TSSK1B: variants seen among roughly 807,000 people sequenced by gnomAD.
TSSK1B encodes the protein testis-specific serine/threonine-protein kinase 1.
In TSSK1B, 2 loss-of-function variants were observed where a neutral mutation model predicts 4.0. The observed-to-expected ratio is 0.50, with a 90% CI of 0.20 to 1.57. TSSK1B has a LOEUF of 1.57. Ranked by LOEUF, TSSK1B falls within the 40% of genes most tolerant of loss-of-function variation. The pLI is 0.22. For synonymous variants in TSSK1B, 198 were observed against 200.7 expected, an observed-to-expected ratio of 0.99 and a Z score of 0.11; for missense variants, 488 against 495.1, an observed-to-expected ratio of 0.99 and a Z score of 0.14.
Position 113,433,773 on chromosome 5 carries a change from C to T in TSSK1B, c.1067G>A (p.Gly356Glu), listed in dbSNP as rs1770745901. The stretch of plus-strand genomic sequence containing the variant: ...CGTCTCTGGAGGCTGTTGGGGGGGC[C>T]CTTCCTCTGTCTCCATAGTCGACGG... The part of the protein sequence containing the change: ...SKPSTMETEE[G>E]PPQQPPETRA... The change falls in exon 1 of 1, where the codon GGG becomes GAG. Residue 356 changes from glycine (G) to glutamate (E), a missense_variant. Physicochemically the swap from Gly to Glu is moderately conservative, Grantham distance 98. Coordinates refer to ENST00000390666, the MANE Select transcript of TSSK1B (RefSeq NM_032028.4). 1 of 1,613,868 alleles carries T rather than the reference C, an allele frequency of 6.2e-7. No individual in the cohort carries two copies.
Position 113,434,458 on chromosome 5 carries a change from G to C in TSSK1B, c.382C>G (p.His128Asp), listed in dbSNP as rs1263228854. The C allele has an allele frequency of 6.2e-7, 1 of 1,613,698 alleles. No individual in the cohort carries two copies. The highest frequency in any genetic ancestry group is 1.7e-5 in the Admixed American group (1 of 59,984). Residue 128 changes from histidine (H) to aspartate (D), a missense_variant, in exon 1 of 1, where the codon CAC becomes GAC. By Grantham distance (81) the His-to-Asp change is moderately conservative. Coordinates refer to ENST00000390666, the MANE Select transcript of TSSK1B (RefSeq NM_032028.4). The surrounding 1 kb of genome is among the most constrained non-coding windows in gnomAD (Gnocchi z 4.2). ...TCCCGGTGGACGACGTCCAGGTCGTGGCAGTACTTGATGGCCAAGGAAAGC... is the reference window on the plus strand; with the variant it reads ...TCCCGGTGGACGACGTCCAGGTCGTCGCAGTACTTGATGGCCAAGGAAAGC... ...HQLSLAIKYC[H>D]DLDVVHRDLK...
At position 113,433,981 on chromosome 5, in the gene TSSK1B, C is replaced by G. The variant is rs376961614; in HGVS notation, c.859G>C (p.Glu287Gln). 1.1e-5 allele frequency: 17 copies of G among 1,613,932 alleles called. No individual in the cohort carries two copies. Among genetic ancestry groups the G allele is most frequent in the Non-Finnish European group, 1.4e-5 (16 of 1,179,902 alleles). The change falls in exon 1 of 1, where the codon GAG becomes CAG. Residue 287 changes from glutamate to glutamine, a missense_variant. Coordinates refer to ENST00000390666, the MANE Select transcript of TSSK1B (RefSeq NM_032028.4). Reference sequence around the variant, plus strand: ...TCAGTTCCCCGGGAACTCTCCCCCTCCTTGTTGATGGCCACAGAGGGAGAT... The same window carrying G: ...TCAGTTCCCCGGGAACTCTCCCCCTGCTTGTTGATGGCCACAGAGGGAGAT... ...RGSPSVAINK[E>Q]GESSRGTEPL...
chr5:113,434,192 G>T lies in TSSK1B; in HGVS notation c.648C>A (p.Tyr216Ter). 6.2e-7 allele frequency: 1 copy of T among 1,614,152 alleles called. No individual in the cohort carries two copies. The change falls in exon 1 of 1, where the codon TAC becomes TAA. Residue 216 changes from tyrosine to a stop codon, truncating the protein, a stop_gained. Coordinates refer to ENST00000390666, the MANE Select transcript of TSSK1B (RefSeq NM_032028.4). LOFTEE classifies it low-confidence loss of function (END_TRUNC). The surrounding 1 kb of genome is among the most constrained non-coding windows in gnomAD (Gnocchi z 4.2). ...LYIMVCGSMP[Y>*]DDSNIKKMLR... ...GCATCTTCTTGATGTTGGAGTCGTC[G>T]TAGGGCATGGAGCCGCAGACCATGA...
chr5:113,433,653 C>A lies in TSSK1B; in HGVS notation c.*83G>T, dbSNP rs1244843043. The A allele has an allele frequency of 6.8e-7, 1 of 1,481,444 alleles. No individual in the cohort carries two copies. 91.8% of individuals were successfully genotyped at this position (1,481,444 alleles called of 1,614,324 possible). On this transcript the variant is annotated 3_prime_UTR_variant, in exon 1 of 1. Transcript: ENST00000390666. ...ATAGAGGCTCATCTGGGACTGCCTT[C>A]CTTCTCTGGCTCCACCCTTGACTTC... is the stretch of plus-strand genomic sequence containing the variant.
In TSSK1B at chr5:113,434,668, G is replaced by A. The variant is rs199613682; in HGVS notation, c.172C>T (p.Pro58Ser). 2.7e-5 allele frequency: 43 copies of A among 1,614,010 alleles called. 1 individual carries two copies. In the African/African-American group the frequency reaches 4.9e-4, roughly 19 times the overall value. ...ATGGCCAGAATCTCAATTTCCCGGG[G>A]AAGGAATTTCTCCAAGAAGTCTGCG... ...APADFLEKFL[P>S]REIEILAMLN... The change falls in exon 1 of 1, where the codon CCC (proline) becomes TCC (serine). Residue 58 changes from proline to serine, a missense_variant. By Grantham distance (74) the Pro-to-Ser change is moderately conservative. Coordinates refer to ENST00000390666, the MANE Select transcript of TSSK1B (RefSeq NM_032028.4). This position sits in a 1 kb window ranked among gnomAD's most constrained non-coding sequence, Gnocchi z 4.2.
rs1023521925 is a variant in TSSK1B, at chr5:113,434,980, A to T, written c.-141T>A. On this transcript the variant is annotated 5_prime_UTR_variant, in exon 1 of 1. Transcript: ENST00000390666. This position sits in a 1 kb window ranked among gnomAD's most constrained non-coding sequence, Gnocchi z 4.2. ...CTGTTCCTGCCTCCTAGAGGCCAAG[A>T]CTCTGGAGTGGAACATTTGGCACTG... 3 of 1,014,544 alleles carry T rather than the reference A, an allele frequency of 3.0e-6. No individual in the cohort carries two copies. The highest frequency in any genetic ancestry group is 4.3e-6 in the Non-Finnish European group (3 of 703,448). The allele number at this position is 1,014,544 out of a possible 1,614,324, so 62.8% of individuals were successfully genotyped here.
chr5:113,433,901 C>G lies in TSSK1B; in HGVS notation c.939G>C (p.Glu313Asp). The G allele has an allele frequency of 6.2e-7, 1 of 1,614,010 alleles. No individual in the cohort carries two copies. The highest frequency in any genetic ancestry group is 2.2e-5 in the East Asian group (1 of 44,880). The change falls in exon 1 of 1, where the codon GAG (glutamate) becomes GAC (aspartate). Residue 313 changes from glutamate (E) to aspartate (D), a missense_variant. Physicochemically the swap from Glu to Asp is conservative, Grantham distance 45. Coordinates refer to ENST00000390666, the MANE Select transcript of TSSK1B (RefSeq NM_032028.4). Reference protein sequence around the residue: ...GSDKKSATKLEPEGEAQPQAQ... With the variant: ...GSDKKSATKLDPEGEAQPQAQ... ...CCTGGGGCTGTGCCTCTCCCTCAGG[C>G]TCCAGCTTGGTGGCAGACTTCTTGT...
rs1225996392 is a variant in TSSK1B at position 113,433,949 on chromosome 5, C to A, written c.891G>T (p.Leu297Phe). 3 of 1,613,876 alleles carry A rather than the reference C, an allele frequency of 1.9e-6. No individual in the cohort carries two copies. Among genetic ancestry groups the A allele is most frequent in the Non-Finnish European group, 2.5e-6 (3 of 1,179,894 alleles). The change falls in exon 1 of 1, where the codon TTG becomes TTT. Residue 297 changes from leucine (L) to phenylalanine (F), a missense_variant. Transcript: ENST00000390666. ...EGESSRGTEP[L>F]WTPEPGSDKK... ...TGTCAGAGCCAGGTTCGGGGGTCCA[C>A]AAGGGTTCAGTTCCCCGGGAACTCT...
rs1770726383 is a variant in TSSK1B at position 113,433,368 on chromosome 5, G to A, written c.*368C>T. 1 of 465,054 alleles carries A rather than the reference G, an allele frequency of 2.2e-6. No individual in the cohort carries two copies. The highest frequency in any genetic ancestry group is 6.0e-5 in the East Asian group (1 of 16,772). 28.8% of individuals were successfully genotyped at this position (465,054 alleles called of 1,614,324 possible). ...ACTGCCCCGGGGACGATGAAAGGAG[G>A]ATAAATGGTGCCCAAGGTGGACAGC... On this transcript the variant is annotated 3_prime_UTR_variant, in exon 1 of 1. Coordinates refer to ENST00000390666, the MANE Select transcript of TSSK1B (RefSeq NM_032028.4).
rs764482166 is a variant in TSSK1B, at chr5:113,433,886, T to C, written c.954A>G (p.Ala318=). Residue 318 remains alanine (A), a synonymous_variant, in exon 1 of 1, where the codon GCA becomes GCG. Coordinates refer to ENST00000390666, the MANE Select transcript of TSSK1B (RefSeq NM_032028.4). The part of the protein sequence containing the change: ...SATKLEPEGE[A]QPQAQPETKP... ...TTGTCTCAGGCTGTGCCTGGGGCTG[T>C]GCCTCTCCCTCAGGCTCCAGCTTGG... is the stretch of plus-strand genomic sequence containing the variant. 82 of 1,613,932 alleles carry C rather than the reference T, an allele frequency of 5.1e-5. No individual in the cohort carries two copies. The highest frequency in any genetic ancestry group is 6.7e-5 in the Non-Finnish European group (79 of 1,179,906).
Position 113,434,498 on chromosome 5 carries a change from G to T in TSSK1B, c.342C>A (p.Arg114=). 1 of 1,613,258 alleles carries T rather than the reference G, an allele frequency of 6.2e-7. No individual in the cohort carries two copies. Among genetic ancestry groups the T allele is most frequent in the Non-Finnish European group, 8.5e-7 (1 of 1,179,382 alleles). The change falls in exon 1 of 1, where the codon CGC becomes CGA. Residue 114 remains arginine (R), a synonymous_variant. Transcript: ENST00000390666. This position sits in a 1 kb window ranked among gnomAD's most constrained non-coding sequence, Gnocchi z 4.2. ...CCAAGGAAAGCTGGTGGAACTTCTT[G>T]CGAGCTTCGTCCTCATGCAGGGCTC... is the stretch of plus-strand genomic sequence containing the variant. ...TRGALHEDEA[R]KKFHQLSLAI... is the part of the protein sequence containing the mutation.
In TSSK1B at chr5:113,434,468, G is replaced by T; in HGVS notation, c.372C>A (p.Ile124=). The change falls in exon 1 of 1, where the codon ATC becomes ATA. Residue 124 remains isoleucine, a synonymous_variant. Transcript: ENST00000390666. The surrounding 1 kb of genome is among the most constrained non-coding windows in gnomAD (Gnocchi z 4.2). ...RKKFHQLSLA[I]KYCHDLDVVH... Reference sequence around the variant, plus strand: ...CGACGTCCAGGTCGTGGCAGTACTTGATGGCCAAGGAAAGCTGGTGGAACT... The same window carrying T: ...CGACGTCCAGGTCGTGGCAGTACTTTATGGCCAAGGAAAGCTGGTGGAACT... 1.2e-6 allele frequency: 2 copies of T among 1,613,724 alleles called. No homozygotes were observed. Among genetic ancestry groups the T allele is most frequent in the Admixed American group, 1.7e-5 (1 of 60,002 alleles).
rs972510153 is a variant in TSSK1B, at chr5:113,433,606, G to A, written c.*130C>T. The stretch of plus-strand genomic sequence containing the variant: ...CCATGTGGGTTACCAAGTTCAAGGG[G>A]AGAGAGAAGAAGCTGATGAAAATAG... On this transcript the variant is annotated 3_prime_UTR_variant, in exon 1 of 1. Transcript: ENST00000390666. The A allele has an allele frequency of 9.2e-6, 11 of 1,191,810 alleles. No individual in the cohort carries two copies. In the Admixed American group the frequency reaches 2.6e-4, roughly 28 times the overall value. 73.8% of individuals were successfully genotyped at this position (1,191,810 alleles called of 1,614,324 possible).
In TSSK1B at chr5:113,433,085, A is replaced by C. The variant is rs1476434215; in HGVS notation, c.*651T>G. 6.5e-6 allele frequency: 1 copy of C among 153,242 alleles called. No individual in the cohort carries two copies. Among genetic ancestry groups the C allele is most frequent in the Non-Finnish European group, 1.5e-5 (1 of 68,846 alleles). 9.5% of individuals were successfully genotyped at this position (153,242 alleles called of 1,614,324 possible). A position where few individuals can be genotyped will look rare whatever the true frequency, so the allele number is the denominator to read the frequency against. ...CTGAAAGAAGCACATATGGGGCACA[A>C]GATTTCTAGCACTTTAAAGCTTAAT... On this transcript the variant is annotated 3_prime_UTR_variant, in exon 1 of 1. Coordinates refer to ENST00000390666, the MANE Select transcript of TSSK1B (RefSeq NM_032028.4).
At position 113,434,944 on chromosome 5, in the gene TSSK1B, G is replaced by T; in HGVS notation, c.-105C>A. The T allele has an allele frequency of 7.1e-7, 1 of 1,412,722 alleles. No individual in the cohort carries two copies. The highest frequency in any genetic ancestry group is 9.5e-7 in the Non-Finnish European group (1 of 1,049,442). The allele number at this position is 1,412,722 out of a possible 1,614,324, so 87.5% of individuals were successfully genotyped here. On this transcript the variant is annotated 5_prime_UTR_variant, in exon 1 of 1. Transcript: ENST00000390666. This position sits in a 1 kb window ranked among gnomAD's most constrained non-coding sequence, Gnocchi z 4.2. ...TCCTGGATAGAGAGTCCTTTGGGCT[G>T]GCCAGGCCTGCTGTTCCTGCCTCCT...
In TSSK1B at chr5:113,433,160, C is replaced by T. The variant is rs1770714925; in HGVS notation, c.*576G>A. ...TCTTTAAAAGTTTATGGATCTTGCCCAGAGCTGGAGTCGGAGCCCCCGAGG... is the reference window on the plus strand; with the variant it reads ...TCTTTAAAAGTTTATGGATCTTGCCTAGAGCTGGAGTCGGAGCCCCCGAGG... On this transcript the variant is annotated 3_prime_UTR_variant, in exon 1 of 1. Coordinates refer to ENST00000390666, the MANE Select transcript of TSSK1B (RefSeq NM_032028.4). 3 of 171,966 alleles carry T rather than the reference C, an allele frequency of 1.7e-5. No homozygotes were observed. Among genetic ancestry groups the T allele is most frequent in the Non-Finnish European group, 3.7e-5 (3 of 80,846 alleles). The allele number at this position is 171,966 out of a possible 1,614,324, so 10.7% of individuals were successfully genotyped here. A position where few individuals can be genotyped will look rare whatever the true frequency, so the allele number is the denominator to read the frequency against.
At position 113,434,352 on chromosome 5, in the gene TSSK1B, C is replaced by G; in HGVS notation, c.488G>C (p.Arg163Pro). Reference protein sequence around the residue: ...SDFSFSKRCLRDDSGRMALSK... With the variant: ...SDFSFSKRCLPDDSGRMALSK... ...TAATGCCATTCGACCACTGTCATCC[C>G]GCAGGCAGCGCTTGGAGAAGCTGAA... Residue 163 changes from arginine to proline, a missense_variant, in exon 1 of 1, where the codon CGG becomes CCG. Arg to Pro is a moderately radical substitution (Grantham distance 103). Transcript: ENST00000390666. This position sits in a 1 kb window ranked among gnomAD's most constrained non-coding sequence, Gnocchi z 4.2. The G allele has an allele frequency of 6.2e-7, 1 of 1,613,676 alleles. No individual in the cohort carries two copies. Among genetic ancestry groups the G allele is most frequent in the East Asian group, 2.2e-5 (1 of 44,842 alleles).
At position 113,434,719 on chromosome 5, in the gene TSSK1B, T is replaced by C. The variant is rs1202728440; in HGVS notation, c.121A>G (p.Lys41Glu). ...GGGGCCTTCTTGCGGTCGATGATCT[T>C]GATCGCCACATTGAACTTCAGGCGC... ...SERLKFNVAI[K>E]IIDRKKAPAD... The change falls in exon 1 of 1, where the codon AAG (lysine) becomes GAG (glutamate). Residue 41 changes from lysine (K) to glutamate (E), a missense_variant. Physicochemically the swap from Lys to Glu is moderately conservative, Grantham distance 56. Transcript: ENST00000390666. The surrounding 1 kb of genome is among the most constrained non-coding windows in gnomAD (Gnocchi z 4.2). The C allele has an allele frequency of 6.2e-7, 1 of 1,614,092 alleles. No homozygotes were observed. The highest frequency in any genetic ancestry group is 8.5e-7 in the Non-Finnish European group (1 of 1,179,954).
In TSSK1B at chr5:113,434,559, A is replaced by G; in HGVS notation, c.281T>C (p.Val94Ala). 1 of 1,613,032 alleles carries G rather than the reference A, an allele frequency of 6.2e-7. No homozygotes were observed. The highest frequency in any genetic ancestry group is 8.5e-7 in the Non-Finnish European group (1 of 1,179,470). The stretch of plus-strand genomic sequence containing the variant: ...GATTAACTCGAGGAGGTCGCCCTGG[A>G]CCGCGAGCTCCATGACGATGTAGAC... ...GKVYIVMELA[V>A]QGDLLELIKT... is the part of the protein sequence containing the mutation. Residue 94 changes from valine (V) to alanine (A), a missense_variant, in exon 1 of 1, where the codon GTC (valine) becomes GCC (alanine). Transcript: ENST00000390666. This position sits in a 1 kb window ranked among gnomAD's most constrained non-coding sequence, Gnocchi z 4.2.
Sources: allele counts gnomAD v4.1 joint callset, GRCh38; gene constraint gnomAD v4.1.1; non-coding constraint Gnocchi (gnomAD v3.1); transcripts MANE v1.5; gene names NCBI Gene and HGNC (gene_info 2026-07-23, HGNC 2026-07-21).